SGCG: variants seen among roughly 807,000 people sequenced by gnomAD.
SGCG encodes the protein sarcoglycan gamma.
SGCG carries 26 observed loss-of-function variants against 29.3 expected under a neutral mutation model. The ratio of observed to expected loss-of-function variants is 0.89; its 90% CI spans 0.65 to 1.23. The LOEUF (loss-of-function observed/expected upper bound fraction) is 1.23, where lower values mean the gene tolerates loss of function less well. SGCG is among the 50% of genes most tolerant of loss of function. The pLI is 0.00. For missense variants in SGCG, 353 were observed against 356.0 expected, an observed-to-expected ratio of 0.99 and a Z score of 0.07; for synonymous variants, 145 against 129.7, an observed-to-expected ratio of 1.12 and a Z score of -0.80.
At chr13:23,204,579 GCTCTTT>G (rs2137502629) in intron 2 of SGCG, among the ~76,000 whole-genome samples, 1 of 144,396 alleles carries the variant, frequency 6.9e-6, no homozygotes, top group Admixed American at 7.1e-5. Context: ...ATATGCACAG[GCTCTTT>G]CTTTTCTTTC....
chr13:23,183,457 T>C (rs969701560), intron 1 of SGCG, among the ~76,000 whole-genome samples: 19 of 151,980 alleles, frequency 1.3e-4, no homozygotes, highest in African/African-American at 4.6e-4. Flanking sequence ...TGGAGAACGT[T>C]CTCTGCACGC....
intron 4 of SGCG, among the ~76,000 whole-genome samples, chr13:23,271,279 T>C (rs564199946): frequency 6.6e-6 from 1 of 152,310 alleles, no homozygotes; most frequent in African/African-American, 2.4e-5. Flanking sequence ...GATTTCCATG[T>C]CTATCAGAGT....
At chr13:23,289,371 C>T (rs1047839935) in intron 5 of SGCG, among the ~76,000 whole-genome samples, 4 of 152,190 alleles carry the variant, frequency 2.6e-5, no homozygotes, top group Non-Finnish European at 4.4e-5. Context: ...TAATATTTTA[C>T]GCTACCTTTC....
chr13:23,255,211 T>A (rs964038100), intron 4 of SGCG, among the ~76,000 whole-genome samples: 2 of 152,184 alleles, frequency 1.3e-5, no homozygotes, highest in African/African-American at 2.4e-5. Context: ...GAGAAGCCAC[T>A]GGGACTGCAC....
chr13:23,223,241 G>GC (rs11372538), intron 2 of SGCG, among the ~76,000 whole-genome samples: 87,704 of 144,258 alleles, frequency 0.61, 26,854 homozygotes, highest in East Asian at 0.88. Flanking sequence ...TCATGCCACT[G>GC]ACTCCAGCCT....
chr13:23,197,194 T>C (rs1358528838), intron 1 of SGCG, among the ~76,000 whole-genome samples: 2 of 152,200 alleles, frequency 1.3e-5, no homozygotes, highest in Non-Finnish European at 2.9e-5. Context: ...CCACTCCTTA[T>C]GCATTCGTGT....
chr13:23,189,868 C>T (rs1877168090), intron 1 of SGCG, among the ~76,000 whole-genome samples: 1 of 152,150 alleles, frequency 6.6e-6, no homozygotes, highest in Non-Finnish European at 1.5e-5. Flanking sequence ...TACCCTACTC[C>T]TTCACCCCCC....
chr13:23,184,215 G>C (rs1318715897), intron 1 of SGCG, among the ~76,000 whole-genome samples: 1 of 152,172 alleles, frequency 6.6e-6, no homozygotes, highest in Non-Finnish European at 1.5e-5. Flanking sequence ...AAAAACTTAA[G>C]TGTACCTCAA....
chr13:23,219,663 A>G (rs1403613957), intron 2 of SGCG, among the ~76,000 whole-genome samples: 2 of 152,074 alleles, frequency 1.3e-5, no homozygotes, highest in Non-Finnish European at 2.9e-5. Flanking sequence ...GATAATGGAT[A>G]TGTTCATTAA....
upstream of SGCG, among the ~76,000 whole-genome samples, chr13:23,178,026 G>A (rs9552866): frequency 0.039 from 5,902 of 152,200 alleles, 117 homozygotes; most frequent in Admixed American, 0.062. Flanking sequence ...AGATGAACAG[G>A]GCCCATCACT....
intron 1 of SGCG, among the ~76,000 whole-genome samples, chr13:23,187,856 G>A (rs921779337): frequency 1.3e-5 from 2 of 152,192 alleles, no homozygotes; most frequent in African/African-American, 2.4e-5. Context: ...AGTAGCACTC[G>A]GAGAAGTGTT....
At chr13:23,298,090 T>C (rs1207880550) in intron 6 of SGCG, among the ~76,000 whole-genome samples, 1 of 130,682 alleles carries the variant, frequency 7.7e-6, no homozygotes, top group Admixed American at 7.5e-5. Flanking sequence ...CCATGGTGGC[T>C]CACACCTGTA....
Position 23,299,456 on chromosome 13 carries a change from A to ATTTTTTTTTTTT in SGCG, c.578+3974_578+3985dup, listed in dbSNP as rs71100168. On this transcript the variant is annotated intron_variant, in intron 6 of 7. Transcript: ENST00000218867. ...TATATATATATATATATATATATAT[A>ATTTTTTTTTTTT]TTTTTTTTTTTTTTTTAGTCGGAGT... is the stretch of plus-strand genomic sequence containing the variant. Among the ~76,000 whole-genome samples, 41 of 41,522 alleles carry ATTTTTTTTTTTT rather than the reference A, an allele frequency of 9.9e-4. 4 individuals carry two copies. The highest frequency in any genetic ancestry group is 1.2e-3 in the Non-Finnish European group (26 of 20,836). The allele number at this position is 41,522 out of a possible 152,430, so 27.2% of individuals were successfully genotyped here. A position where few individuals can be genotyped will look rare whatever the true frequency, so the allele number is the denominator to read the frequency against.
chr13:23,304,301 G>T (rs930690680), intron 6 of SGCG, among the ~76,000 whole-genome samples: 3 of 151,768 alleles, frequency 2.0e-5, no homozygotes, highest in Non-Finnish European at 4.4e-5. Flanking sequence ...CATGTTTCTT[G>T]CATGGCTTTA....
rs140433952 is a variant in SGCG at position 23,220,708 on chromosome 13, T to C, written c.196-13903T>C. On this transcript the variant is annotated intron_variant, in intron 2 of 7. Transcript: ENST00000218867. ...CTCCACCAATCTTTACCCTTTCTTA[T>C]GCTTAACCAACAAGAAAATTCATGT... Among the ~76,000 whole-genome samples the C allele has an allele frequency of 2.2e-3, 330 of 152,324 alleles. 1 individual carries two copies. Among genetic ancestry groups the C allele is most frequent in the African/African-American group, 7.8e-3 (323 of 41,582 alleles).
At chr13:23,318,209 T>C (rs1882903884) in intron 6 of SGCG, among the ~76,000 whole-genome samples, 1 of 136,688 alleles carries the variant, frequency 7.3e-6, no homozygotes, top group African/African-American at 2.5e-5. Flanking sequence ...CTATAACTAC[T>C]AGTTATGTCC....
chr13:23,239,576 C>T (rs1394547624), intron 3 of SGCG, among the ~76,000 whole-genome samples: 1 of 151,896 alleles, frequency 6.6e-6, no homozygotes, highest in Admixed American at 6.6e-5. Flanking sequence ...TGTGGTTATA[C>T]AAAAAATAAT....
intron 1 of SGCG, among the ~76,000 whole-genome samples, chr13:23,195,578 T>A (rs562652277): frequency 6.6e-6 from 1 of 152,274 alleles, no homozygotes; most frequent in East Asian, 1.9e-4. Context: ...TTTGGTGTAT[T>A]TTGTAGGGAA....
chr13:23,221,592 A>G (rs2137528317), intron 2 of SGCG, among the ~76,000 whole-genome samples: 1 of 152,302 alleles, frequency 6.6e-6, no homozygotes, highest in East Asian at 1.9e-4. Flanking sequence ...TACAAATACT[A>G]TTTACAAAGC....
Sources: gnomAD v4.1 joint callset for allele counts (sites outside exome capture counted in the v4.1 genomes callset) on GRCh38, gnomAD v4.1.1 for gene constraint, MANE v1.5 for transcripts, NCBI Gene and HGNC (gene_info 2026-07-23, HGNC 2026-07-21) for gene names.